Variants in PLXDC2 observed in about 807,000 individuals in gnomAD.
The protein encoded by PLXDC2 is plexin domain-containing protein 2.
PLXDC2 carries 40 observed loss-of-function variants against 68.9 expected under a neutral mutation model. The ratio of observed to expected loss-of-function variants is 0.58; its 90% CI spans 0.45 to 0.76. The LOEUF (loss-of-function observed/expected upper bound fraction) is 0.76, where lower values mean the gene tolerates loss of function less well. PLXDC2 is among the 30% of genes least tolerant of loss of function. PLXDC2 has a pLI of 0.00. For synonymous variants in PLXDC2, 243 were observed against 234.2 expected, an observed-to-expected ratio of 1.04 and a Z score of -0.34; for missense variants, 644 against 661.9, an observed-to-expected ratio of 0.97 and a Z score of 0.30.
At chr10:20,003,683 C>T (rs147340728) in intron 2 of PLXDC2, among the ~76,000 whole-genome samples, 23 of 152,246 alleles carry the variant, frequency 1.5e-4, no homozygotes, top group African/African-American at 4.3e-4. Flanking sequence ...CAACCTGCCT[C>T]GGCCTCCTAA....
At chr10:19,935,657 G>A (rs544177069) in intron 1 of PLXDC2, among the ~76,000 whole-genome samples, 1 of 152,182 alleles carries the variant, frequency 6.6e-6, no homozygotes, top group African/African-American at 2.4e-5. Context: ...TAACACTGAT[G>A]CATTGACCTG....
intron 13 of PLXDC2, among the ~76,000 whole-genome samples, chr10:20,255,319 G>T (rs1302272766): frequency 6.6e-6 from 1 of 152,118 alleles, no homozygotes; most frequent in African/African-American, 2.4e-5. Context: ...TTGGGCATTT[G>T]TAAGCCTGAA....
intron 1 of PLXDC2, among the ~76,000 whole-genome samples, chr10:19,879,062 T>C (rs1464708578): frequency 6.6e-6 from 1 of 152,208 alleles, no homozygotes; most frequent in East Asian, 1.9e-4. Context: ...GTCTTGTCTC[T>C]GCCTGTATCA....
At chr10:19,869,468 A>AGG (rs555686208) in intron 1 of PLXDC2, among the ~76,000 whole-genome samples, 38 of 44,580 alleles carry the variant, frequency 8.5e-4, no homozygotes, top group South Asian at 1.1e-3. Flanking sequence ...AGAGAGAGAA[A>AGG]GGGGGGGGGG....
chr10:20,196,721 T>C (rs1834842812), intron 9 of PLXDC2, among the ~76,000 whole-genome samples: 1 of 152,166 alleles, frequency 6.6e-6, no homozygotes, highest in African/African-American at 2.4e-5. Context: ...GAAAAAATAT[T>C]GAGAAATAGT....
intron 2 of PLXDC2, among the ~76,000 whole-genome samples, chr10:20,023,276 A>G (rs572944881): frequency 1.0e-3 from 153 of 152,140 alleles, no homozygotes; most frequent in African/African-American, 3.5e-3. Flanking sequence ...ATTTATTCAC[A>G]TTTTACTCTT....
chr10:20,196,117 G>A (rs1322701605), intron 9 of PLXDC2, among the ~76,000 whole-genome samples: 1 of 152,166 alleles, frequency 6.6e-6, no homozygotes, highest in African/African-American at 2.4e-5. Context: ...TGCTTTGGCA[G>A]CTCACAGCCA....
rs564347861 is a variant in PLXDC2, at chr10:20,281,558, G to A, written c.*1739G>A. On this transcript the variant is annotated 3_prime_UTR_variant, in exon 14 of 14. Transcript: ENST00000377252. The stretch of plus-strand genomic sequence containing the variant: ...TACTTTATCATCACAAGTGTCTGAC[G>A]TGAACGAATGCCATTTTCTATTCCA... 5.9e-5 allele frequency: 9 copies of A among 152,224 alleles called. No homozygotes were observed. Among genetic ancestry groups the A allele is most frequent in the South Asian group, 2.1e-4 (1 of 4,820 alleles). The allele number at this position is 152,224 out of a possible 1,614,324, so 9.4% of individuals were successfully genotyped here. A position where few individuals can be genotyped will look rare whatever the true frequency, so the allele number is the denominator to read the frequency against.
chr10:19,880,488 CTCTT>C (rs796357960), intron 1 of PLXDC2, among the ~76,000 whole-genome samples: 7 of 152,310 alleles, frequency 4.6e-5, no homozygotes, highest in African/African-American at 1.7e-4. Flanking sequence ...TGCAATCTCT[CTCTT>C]TCTCTCTCTC....
intron 1 of PLXDC2, among the ~76,000 whole-genome samples, chr10:19,955,882 C>T (rs1227339118): frequency 6.6e-6 from 1 of 151,966 alleles, no homozygotes; most frequent in Non-Finnish European, 1.5e-5. Context: ...AGTTCGAGAC[C>T]AGCCTGGTCA....
intron 13 of PLXDC2, among the ~76,000 whole-genome samples, chr10:20,254,558 A>G (rs1303457335): frequency 6.6e-6 from 1 of 152,176 alleles, no homozygotes; most frequent in Non-Finnish European, 1.5e-5. Context: ...GGAAAAAATG[A>G]TTCATTGAAA....
intron 1 of PLXDC2, among the ~76,000 whole-genome samples, chr10:19,930,343 T>G (rs1206267376): frequency 6.6e-6 from 1 of 152,064 alleles, no homozygotes. Flanking sequence ...GCCGGGTTGG[T>G]TTTTTCCACT....
chr10:20,227,865 G>A (rs1458104420), intron 12 of PLXDC2, among the ~76,000 whole-genome samples: 1 of 151,960 alleles, frequency 6.6e-6, no homozygotes, highest in Non-Finnish European at 1.5e-5. Context: ...ATGGTCAGAG[G>A]CTAAAAAAAA....
intron 1 of PLXDC2, among the ~76,000 whole-genome samples, chr10:19,839,490 C>T (rs1438676235): frequency 6.6e-6 from 1 of 152,204 alleles, no homozygotes; most frequent in East Asian, 1.9e-4. Context: ...AGACTCAGCT[C>T]ACAGGGGCCT....
At chr10:19,948,074 T>A (rs1301649316) in intron 1 of PLXDC2, among the ~76,000 whole-genome samples, 1 of 152,212 alleles carries the variant, frequency 6.6e-6, no homozygotes, top group African/African-American at 2.4e-5. Flanking sequence ...GCTTAAATAA[T>A]CTTTTTTAAG....
At chr10:20,056,760 T>C (rs540217491) in intron 3 of PLXDC2, among the ~76,000 whole-genome samples, 1 of 152,290 alleles carries the variant, frequency 6.6e-6, no homozygotes, top group East Asian at 1.9e-4. Flanking sequence ...ATCTTGGGTC[T>C]TTAGTGGAGG....
At chr10:19,979,988 C>T (rs1227488580) in intron 1 of PLXDC2, among the ~76,000 whole-genome samples, 2 of 152,238 alleles carry the variant, frequency 1.3e-5, no homozygotes, top group African/African-American at 2.4e-5. Context: ...TAGTTAGTGT[C>T]GTATATCCTG....
chr10:19,957,540 A>T (rs1328137043), intron 1 of PLXDC2, among the ~76,000 whole-genome samples: 1 of 152,088 alleles, frequency 6.6e-6, no homozygotes, highest in Non-Finnish European at 1.5e-5. Flanking sequence ...TTCTCATATC[A>T]ACACATGAAA....
rs142522887 is a variant in PLXDC2 at position 20,204,010 on chromosome 10, T to C, written c.1062-7659T>C. On this transcript the variant is annotated intron_variant, in intron 9 of 13. Coordinates refer to ENST00000377252, the MANE Select transcript of PLXDC2 (RefSeq NM_032812.9). ...CATAAGTGATCCTACAATATGTCTC[T>C]GTAATAGGTTATGAATAGTCATCTA... Among the ~76,000 whole-genome samples the C allele has an allele frequency of 3.3e-4, 42 of 128,394 alleles. 1 individual carries two copies. In the East Asian group the frequency reaches 8.7e-3, roughly 27 times the overall value. The allele number at this position is 128,394 out of a possible 152,430, so 84.2% of individuals were successfully genotyped here.
Sources: allele counts gnomAD v4.1 joint callset (sites outside exome capture counted in the v4.1 genomes callset), GRCh38; gene constraint gnomAD v4.1.1; transcripts MANE v1.5; gene names NCBI Gene and HGNC (gene_info 2026-07-23, HGNC 2026-07-21).